Variants in ARHGAP22 observed in about 807,000 individuals in gnomAD.
The protein encoded by ARHGAP22 is rho GTPase-activating protein 22.
In ARHGAP22, 48 loss-of-function variants were observed where a neutral mutation model predicts 59.1. The ratio of observed to expected loss-of-function variants is 0.81; its 90% CI spans 0.64 to 1.03. The LOEUF (loss-of-function observed/expected upper bound fraction) is 1.03, where lower values mean the gene tolerates loss of function less well. Among genes scored for constraint, ARHGAP22 ranks in the 50% least tolerant of loss-of-function variants. ARHGAP22 has a pLI of 0.00. For missense variants in ARHGAP22, 1,015 were observed against 958.7 expected (o/e 1.06, Z -0.78); for synonymous variants, 445 against 416.4 (o/e 1.07, Z -0.84).
intron 1 of ARHGAP22, among the ~76,000 whole-genome samples, chr10:48,629,165 G>A (rs1408460783): frequency 6.6e-6 from 1 of 152,176 alleles, no homozygotes; most frequent in East Asian, 1.9e-4. Context: ...CTTCCTAGGG[G>A]CAGCCACCAC....
At chr10:48,468,506 C>T (rs1478340396) in intron 4 of ARHGAP22, among the ~76,000 whole-genome samples, 1 of 152,118 alleles carries the variant, frequency 6.6e-6, no homozygotes, top group Non-Finnish European at 1.5e-5. Context: ...CTGCTTCTCC[C>T]CATGTCCTAC....
At chr10:48,446,919 C>G (rs1160741301) in intron 9 of ARHGAP22, among the ~76,000 whole-genome samples, 1 of 152,200 alleles carries the variant, frequency 6.6e-6, no homozygotes, top group Non-Finnish European at 1.5e-5. Context: ...TATGGGATCC[C>G]TGCCAGCTGG....
intron 3 of ARHGAP22, among the ~76,000 whole-genome samples, chr10:48,496,079 G>A (rs1388857967): frequency 1.3e-5 from 2 of 152,198 alleles, no homozygotes; most frequent in African/African-American, 4.8e-5. Flanking sequence ...ATGCAGCCAA[G>A]CCACACCCGG....
chr10:48,654,786 C>T (rs1252299836), upstream of ARHGAP22, among the ~76,000 whole-genome samples: 1 of 68,158 alleles, frequency 1.5e-5, no homozygotes, highest in African/African-American at 4.6e-5. Flanking sequence ...TTCTTTCTTT[C>T]TTTCTTTCTT....
chr10:48,464,663 A>C (rs1246590118), intron 4 of ARHGAP22, among the ~76,000 whole-genome samples: 1 of 152,228 alleles, frequency 6.6e-6, no homozygotes, highest in Non-Finnish European at 1.5e-5. Flanking sequence ...CAAAGGTCAC[A>C]GAGACAAAGA....
At chr10:48,465,193 TG>T (rs1564703017) in intron 4 of ARHGAP22, among the ~76,000 whole-genome samples, 1 of 152,218 alleles carries the variant, frequency 6.6e-6, no homozygotes, top group African/African-American at 2.4e-5. Context: ...CCAGCCATCG[TG>T]TGGGTTCCTC....
intron 1 of ARHGAP22, among the ~76,000 whole-genome samples, chr10:48,627,762 CAG>C (rs2136075060): frequency 6.6e-6 from 1 of 152,324 alleles, no homozygotes; most frequent in African/African-American, 2.4e-5. Context: ...CATGCATTCT[CAG>C]GGCCCCTGGA....
chr10:48,627,007 C>G (rs75855067), intron 1 of ARHGAP22, among the ~76,000 whole-genome samples: 1,935 of 152,222 alleles, frequency 0.013, 46 homozygotes, highest in African/African-American at 0.045. Flanking sequence ...TAATCATGCC[C>G]ACGTAACGAA....
intron 2 of ARHGAP22, chr10:48,556,701 TCTTAGTA>T (rs1176941705): frequency 2.6e-5 from 4 of 152,218 alleles, no homozygotes; most frequent in Non-Finnish European, 2.9e-5. Context: ...ACTTGGAAGT[TCTTAGTA>T]CTTAGTACTG....
In ARHGAP22 at chr10:48,476,017, C is replaced by G. The variant is rs376019894; in HGVS notation, c.451+3619G>C. ...CTACTCAAAAGTCACCAAACCCTAA[C>G]CCTATCTCTTGTGTTCCCCTCCCTG... is the stretch of plus-strand genomic sequence containing the variant. On this transcript the variant is annotated intron_variant, in intron 4 of 9. Coordinates refer to ENST00000249601, the MANE Select transcript of ARHGAP22 (RefSeq NM_021226.4). Among the ~76,000 whole-genome samples the G allele has an allele frequency of 3.9e-5, 6 of 152,308 alleles. No homozygotes were observed. The East Asian group carries it at 7.7e-4, about 20-fold the overall frequency.
chr10:48,592,387 T>C (rs2059812739), intron 1 of ARHGAP22, among the ~76,000 whole-genome samples: 1 of 152,228 alleles, frequency 6.6e-6, no homozygotes, highest in Admixed American at 6.5e-5. Context: ...ACGTTGGCAA[T>C]GACTCTCACA....
chr10:48,579,295 G>A (rs2058964253), intron 2 of ARHGAP22, among the ~76,000 whole-genome samples: 1 of 152,158 alleles, frequency 6.6e-6, no homozygotes, highest in South Asian at 2.1e-4. Context: ...CCCAACAGTG[G>A]AAATAGACCA....
chr10:48,563,400 A>G (rs2057835067), intron 2 of ARHGAP22, among the ~76,000 whole-genome samples: 1 of 152,000 alleles, frequency 6.6e-6, no homozygotes, highest in Non-Finnish European at 1.5e-5. Flanking sequence ...TCACCGTGTT[A>G]GCCAGGATGG....
rs530142000 is a variant in ARHGAP22, at chr10:48,626,786, G to A, written c.52+25448C>T. Among the ~76,000 whole-genome samples, 3 of 152,248 alleles carry A rather than the reference G, an allele frequency of 2.0e-5. No homozygotes were observed. The East Asian group carries it at 5.8e-4, about 29-fold the overall frequency. On this transcript the variant is annotated intron_variant, in intron 1 of 9. Transcript: ENST00000435790. ...GAATTTCCTGAGTAACAGAAGTGAG[G>A]GGAGCATTTTTGGTTATTCAGAGAA... is the stretch of plus-strand genomic sequence containing the variant.
intron 4 of ARHGAP22, among the ~76,000 whole-genome samples, chr10:48,464,895 C>A (rs1398244508): frequency 2.6e-5 from 4 of 152,192 alleles, no homozygotes; most frequent in Non-Finnish European, 5.9e-5. Flanking sequence ...CAGCTGGCCA[C>A]TGGAACCCTT....
chr10:48,579,547 T>C (rs1022697032), intron 2 of ARHGAP22, among the ~76,000 whole-genome samples: 1 of 152,222 alleles, frequency 6.6e-6, no homozygotes, highest in Admixed American at 6.5e-5. Context: ...TGCTTCCTTT[T>C]TCTCCGTCTT....
Position 48,446,339 on chromosome 10 carries a change from A to G in ARHGAP22, c.*52T>C. The G allele has an allele frequency of 1.3e-6, 2 of 1,595,064 alleles. No homozygotes were observed. The highest frequency in any genetic ancestry group is 1.7e-6 in the Non-Finnish European group (2 of 1,165,782). ...GAGATACAGACGCTTCTAACTCCAT[A>G]CAAGGCTGGAGACCAGCAGACGTGG... On this transcript the variant is annotated 3_prime_UTR_variant, in exon 10 of 10. Coordinates refer to ENST00000249601, the MANE Select transcript of ARHGAP22 (RefSeq NM_021226.4).
chr10:48,541,037 T>C (rs544455440), intron 3 of ARHGAP22, among the ~76,000 whole-genome samples: 4 of 152,160 alleles, frequency 2.6e-5, no homozygotes, highest in Admixed American at 6.5e-5. Context: ...ACACAGATTC[T>C]GTTTGAGGTG....
intron 3 of ARHGAP22, among the ~76,000 whole-genome samples, chr10:48,496,862 G>C (rs1474187234): frequency 6.6e-6 from 1 of 152,152 alleles, no homozygotes; most frequent in Admixed American, 6.5e-5. Flanking sequence ...CTGGAGATTG[G>C]GGGGTAGGAA....
Sources: allele counts gnomAD v4.1 joint callset (sites outside exome capture counted in the v4.1 genomes callset), GRCh38; gene constraint gnomAD v4.1.1; transcripts MANE v1.5; gene names NCBI Gene and HGNC (gene_info 2026-07-23, HGNC 2026-07-21).